The following MTA3 variants were observed in gnomAD, a reference collection of about 807,000 sequenced individuals.
MTA3 encodes the protein metastasis associated 1 family member 3.
Under a neutral mutation model 83.5 loss-of-function variants are expected in MTA3, and 34 were observed. The ratio of observed to expected loss-of-function variants is 0.41; its 90% CI spans 0.31 to 0.54. MTA3 has a LOEUF of 0.54. Among genes scored for constraint, MTA3 ranks in the 20% least tolerant of loss-of-function variants. The pLI, the probability that MTA3 is intolerant of heterozygous loss-of-function variation, is 0.33. For missense variants in MTA3, 761 were observed against 726.4 expected (o/e 1.05, Z -0.55); for synonymous variants, 303 against 252.7 (o/e 1.20, Z -1.89).
chr2:42,601,379 A>G lies in MTA3; in HGVS notation c.191-8079A>G, dbSNP rs75750281. Among the ~76,000 whole-genome samples, 805 of 152,268 alleles carry G rather than the reference A, an allele frequency of 5.3e-3. 3 individuals carry two copies. Among genetic ancestry groups the G allele is most frequent in the African/African-American group, 0.018 (729 of 41,558 alleles). On this transcript the variant is annotated intron_variant, in intron 3 of 16. Coordinates refer to ENST00000405094, the MANE Select transcript of MTA3 (RefSeq NM_001330442.2). ...GAGGCAAGACCTTTTTGTGTAGTCT[A>G]TCCAATACGCTATGAACTATTAAGT...
intron 3 of MTA3, among the ~76,000 whole-genome samples, chr2:42,595,013 A>T (rs1381648841): frequency 6.8e-6 from 1 of 148,064 alleles, no homozygotes; most frequent in East Asian, 2.0e-4. Context: ...TCGGCCTCCC[A>T]AAGTGCTGGG....
chr2:42,573,028 A>G (rs1678666413), intron 2 of MTA3, among the ~76,000 whole-genome samples: 1 of 152,050 alleles, frequency 6.6e-6, no homozygotes, highest in East Asian at 1.9e-4. Flanking sequence ...GCGCCTGGCC[A>G]GGATTTATAA....
intron 4 of MTA3, among the ~76,000 whole-genome samples, chr2:42,623,881 C>G (rs555074345): frequency 4.6e-5 from 7 of 151,906 alleles, no homozygotes; most frequent in Non-Finnish European, 1.0e-4. Flanking sequence ...TAAGTAGAGA[C>G]GGGGTTTCAC....
intron 2 of MTA3, among the ~76,000 whole-genome samples, chr2:42,560,523 G>A (rs550063272): frequency 6.6e-6 from 1 of 151,124 alleles, no homozygotes; most frequent in African/African-American, 2.4e-5. Context: ...CTGCACTCCA[G>A]CCTGGGCAAC....
intron 9 of MTA3, among the ~76,000 whole-genome samples, chr2:42,683,776 G>T (rs933948563): frequency 6.6e-6 from 1 of 152,220 alleles, no homozygotes; most frequent in Non-Finnish European, 1.5e-5. Context: ...CAGACCTCAG[G>T]GGGCAGTGGG....
chr2:42,594,705 C>CATATATATATATATATATATAT (rs1167117095), intron 3 of MTA3, among the ~76,000 whole-genome samples: 24 of 46,506 alleles, frequency 5.2e-4, no homozygotes, highest in African/African-American at 6.2e-4. Context: ...TATAAATATA[C>CATATATATATATATATATATAT]ATATATATAT....
chr2:42,659,329 A>G (rs1289024282), intron 7 of MTA3, among the ~76,000 whole-genome samples: 1 of 152,194 alleles, frequency 6.6e-6, no homozygotes. Flanking sequence ...GGGTTGCTAC[A>G]GTTAATGATA....
intron 12 of MTA3, among the ~76,000 whole-genome samples, chr2:42,704,788 T>C (rs1665920627): frequency 6.6e-6 from 1 of 152,206 alleles, no homozygotes; most frequent in Non-Finnish European, 1.5e-5. Flanking sequence ...GAAATGCTCT[T>C]CTATGATACT....
At position 42,635,594 on chromosome 2, in the gene MTA3, C is replaced by G. The variant is rs1203850758; in HGVS notation, c.318-4579C>G. On this transcript the variant is annotated intron_variant, in intron 4 of 16. Transcript: ENST00000405094. ...AGTAAGGATAAGATCACACCACTTG[C>G]ACTCCAGCCTGGGCAACAGAGCGAG... 2.0e-5 allele frequency among the ~76,000 whole-genome samples: 3 copies of G among 151,878 alleles called. No homozygotes were observed. In the East Asian group the frequency reaches 5.8e-4, roughly 29 times the overall value.
chr2:42,718,092 AC>A (rs1333316052), intron 14 of MTA3, among the ~76,000 whole-genome samples: 2 of 99,786 alleles, frequency 2.0e-5, no homozygotes, highest in African/African-American at 4.6e-5. Flanking sequence ...TTACTCTGGT[AC>A]CTTTTTTTTT....
At chr2:42,659,101 AAATAAAAAT>A (rs1689442821) in intron 7 of MTA3, among the ~76,000 whole-genome samples, 1 of 152,152 alleles carries the variant, frequency 6.6e-6, no homozygotes, top group African/African-American at 2.4e-5. Context: ...CTGTCTCAAA[AAATAAAAAT>A]AATAAAAATA....
intron 2 of MTA3, among the ~76,000 whole-genome samples, chr2:42,577,009 G>A (rs796303632): frequency 2.0e-5 from 3 of 148,958 alleles, no homozygotes; most frequent in African/African-American, 5.0e-5. Flanking sequence ...CAGGAGGATC[G>A]CTTGAACCAG....
At chr2:42,700,476 T>C (rs971908722) in intron 11 of MTA3, among the ~76,000 whole-genome samples, 2 of 152,236 alleles carry the variant, frequency 1.3e-5, no homozygotes, top group Non-Finnish European at 2.9e-5. Context: ...ACAAGTGATG[T>C]ATTCAATCAA....
At chr2:42,724,309 C>CAG (rs1350994483) in intron 16 of MTA3, among the ~76,000 whole-genome samples, 1 of 149,062 alleles carries the variant, frequency 6.7e-6, no homozygotes, top group Admixed American at 6.7e-5. Context: ...CACACACACA[C>CAG]ACACACACAC....
At chr2:42,711,242 G>GGC (rs1279679574) in intron 14 of MTA3, among the ~76,000 whole-genome samples, 1 of 151,724 alleles carries the variant, frequency 6.6e-6, no homozygotes, top group African/African-American at 2.4e-5. Flanking sequence ...GTTTCCCCAG[G>GGC]GCTTGTGTGT....
At chr2:42,632,966 T>TA (rs796447245) in intron 4 of MTA3, among the ~76,000 whole-genome samples, 2,794 of 145,544 alleles carry the variant, frequency 0.019, 68 homozygotes, top group African/African-American at 0.059. Context: ...TACTCCTTTT[T>TA]AAAAAAAAAA....
At chr2:42,526,191 C>G (rs1417526982) in intron 2 of MTA3, among the ~76,000 whole-genome samples, 1 of 152,036 alleles carries the variant, frequency 6.6e-6, no homozygotes, top group Non-Finnish European at 1.5e-5. Flanking sequence ...ACAGGGGTGG[C>G]TGCCTTCCCT....
At chr2:42,509,618 A>G (rs924895070) in intron 2 of MTA3, among the ~76,000 whole-genome samples, 31 of 151,938 alleles carry the variant, frequency 2.0e-4, no homozygotes, top group African/African-American at 6.5e-4. Context: ...AAAAAATGCA[A>G]AAATTAGCCA....
chr2:42,621,952 C>G (rs1270788724), intron 4 of MTA3, among the ~76,000 whole-genome samples: 2 of 151,548 alleles, frequency 1.3e-5, no homozygotes, highest in African/African-American at 4.9e-5. Context: ...CTCCTCACAT[C>G]CCAGACGATG....
Sources: gnomAD v4.1 joint callset for allele counts (sites outside exome capture counted in the v4.1 genomes callset) on GRCh38, gnomAD v4.1.1 for gene constraint, MANE v1.5 for transcripts, NCBI Gene and HGNC (gene_info 2026-07-23, HGNC 2026-07-21) for gene names.